The following PBX3 variants were observed in gnomAD, a reference collection of about 807,000 sequenced individuals.
PBX3 encodes pre-B-cell leukemia transcription factor 3.
PBX3 carries 14 observed loss-of-function variants against 48.5 expected under a neutral mutation model. The observed-to-expected ratio is 0.29, with a 90% confidence interval of 0.19 to 0.45. PBX3 has a LOEUF of 0.45. PBX3 is among the 20% of genes least tolerant of loss of function. The probability of loss-of-function intolerance (pLI) is 1.00; values close to 1 mark genes in which losing one functional copy is unlikely to be tolerated. For synonymous variants in PBX3, 210 were observed against 200.3 expected (o/e 1.05, Z -0.41); for missense variants, 386 against 546.7 (o/e 0.71, Z 2.93).
At chr9:125,942,734 C>T (rs1007867643) in intron 5 of PBX3, among the ~76,000 whole-genome samples, 3 of 152,152 alleles carry the variant, frequency 2.0e-5, no homozygotes, top group African/African-American at 7.2e-5. Context: ...TAAAAGAAGG[C>T]TACAGACCCT....
chr9:125,801,245 C>G (rs1227481837), intron 2 of PBX3, among the ~76,000 whole-genome samples: 2 of 152,152 alleles, frequency 1.3e-5, no homozygotes, highest in Non-Finnish European at 2.9e-5. Context: ...AAGTACTTCT[C>G]TGTTTTCATC....
chr9:125,926,011 G>C (rs1038784795), intron 3 of PBX3, among the ~76,000 whole-genome samples: 2 of 152,180 alleles, frequency 1.3e-5, no homozygotes, highest in African/African-American at 4.8e-5. Flanking sequence ...GGAACTAGCT[G>C]TAGAACTATA....
At chr9:125,867,292 T>C (rs1840005353) in intron 2 of PBX3, among the ~76,000 whole-genome samples, 1 of 152,088 alleles carries the variant, frequency 6.6e-6, no homozygotes, top group Admixed American at 6.5e-5. Flanking sequence ...TTTTAGATGT[T>C]TGAATTTTTA....
At chr9:125,920,138 C>G (rs1841425985) in intron 3 of PBX3, among the ~76,000 whole-genome samples, 1 of 152,176 alleles carries the variant, frequency 6.6e-6, no homozygotes, top group Non-Finnish European at 1.5e-5. Flanking sequence ...CTTGTTGATT[C>G]TGACACCCAG....
At chr9:125,855,123 C>A (rs1245413103) in intron 2 of PBX3, among the ~76,000 whole-genome samples, 1 of 152,198 alleles carries the variant, frequency 6.6e-6, no homozygotes, top group Admixed American at 6.5e-5. Context: ...TGATTCACTT[C>A]AGCCATACTG....
intron 4 of PBX3, among the ~76,000 whole-genome samples, chr9:125,934,419 T>G (rs987940175): frequency 6.6e-6 from 1 of 152,222 alleles, no homozygotes; most frequent in African/African-American, 2.4e-5. Context: ...GAAGGTATTT[T>G]CTAATTACTG....
intron 2 of PBX3, among the ~76,000 whole-genome samples, chr9:125,875,668 G>A (rs1212490704): frequency 2.6e-5 from 4 of 151,938 alleles, no homozygotes; most frequent in Admixed American, 6.6e-5. Context: ...CCGCCACCTC[G>A]CTTTTCTAAT....
chr9:125,826,752 C>T (rs1201211574), intron 2 of PBX3, among the ~76,000 whole-genome samples: 2 of 152,084 alleles, frequency 1.3e-5, no homozygotes, highest in Non-Finnish European at 2.9e-5. Flanking sequence ...TTAATTGACA[C>T]ATAATATTTT....
intron 2 of PBX3, among the ~76,000 whole-genome samples, chr9:125,880,620 G>A (rs1333642228): frequency 1.3e-5 from 2 of 152,080 alleles, no homozygotes; most frequent in African/African-American, 4.8e-5. Flanking sequence ...ATTAATTTCA[G>A]TCTTAACTGA....
intron 2 of PBX3, among the ~76,000 whole-genome samples, chr9:125,890,916 TGA>T (rs1840626490): frequency 6.6e-6 from 1 of 152,214 alleles, no homozygotes; most frequent in African/African-American, 2.4e-5. Context: ...CAGCATTTAA[TGA>T]GTAAATCCTG....
chr9:125,818,620 A>G (rs934198667), intron 2 of PBX3, among the ~76,000 whole-genome samples: 2 of 152,128 alleles, frequency 1.3e-5, no homozygotes, highest in East Asian at 1.9e-4. Context: ...AAGTGCTGGG[A>G]TTACAGGCAT....
At chr9:125,816,325 T>C (rs1838461582) in intron 2 of PBX3, among the ~76,000 whole-genome samples, 1 of 152,142 alleles carries the variant, frequency 6.6e-6, no homozygotes, top group Non-Finnish European at 1.5e-5. Flanking sequence ...GTATACCCTT[T>C]ACAGTCCTAT....
chr9:125,779,729 C>A (rs201001995), intron 2 of PBX3, among the ~76,000 whole-genome samples: 1 of 145,150 alleles, frequency 6.9e-6, no homozygotes, highest in Non-Finnish European at 1.5e-5. Context: ...TTCTATTCCA[C>A]AAAACCGCCA....
intron 2 of PBX3, among the ~76,000 whole-genome samples, chr9:125,880,225 A>G (rs1840350226): frequency 6.6e-6 from 1 of 152,158 alleles, no homozygotes; most frequent in Non-Finnish European, 1.5e-5. Flanking sequence ...TTGTATTTTC[A>G]GTAGAGACAG....
chr9:125,807,072 C>T (rs995708887), intron 2 of PBX3, among the ~76,000 whole-genome samples: 2 of 152,202 alleles, frequency 1.3e-5, no homozygotes, highest in African/African-American at 4.8e-5. Flanking sequence ...CCTGTAATCC[C>T]AGTACTTTGG....
intron 2 of PBX3, among the ~76,000 whole-genome samples, chr9:125,884,107 A>AG (rs1840444199): frequency 6.6e-6 from 1 of 152,196 alleles, no homozygotes; most frequent in Non-Finnish European, 1.5e-5. Flanking sequence ...CTGCAGCTGG[A>AG]GAAGACCATG....
At position 125,962,233 on chromosome 9, in the gene PBX3, TG is replaced by T. The variant is rs1481637948; in HGVS notation, c.1122+23del. On this transcript the variant is annotated intron_variant, in intron 7 of 8. Coordinates refer to ENST00000373489, the MANE Select transcript of PBX3 (RefSeq NM_006195.6). ...ATCACAGGTAGGAGAAATGCCCCAGTGGGGCCTTTCTAGCAGGGTAGGGTTT... is the reference window on the plus strand; with the variant it reads ...ATCACAGGTAGGAGAAATGCCCCAGTGGGCCTTTCTAGCAGGGTAGGGTTT... 7.1e-7 allele frequency: 1 copy of T among 1,405,262 alleles called. No homozygotes were observed. The highest frequency in any genetic ancestry group is 1.9e-4 in the Middle Eastern group (1 of 5,290). The allele number at this position is 1,405,262 out of a possible 1,614,324, so 87.0% of individuals were successfully genotyped here.
chr9:125,892,632 C>T (rs745518902), intron 2 of PBX3, among the ~76,000 whole-genome samples: 4 of 152,120 alleles, frequency 2.6e-5, no homozygotes, highest in Non-Finnish European at 5.9e-5. Context: ...TGTATTCTTT[C>T]CTTTTGGTAT....
Position 125,747,570 on chromosome 9 carries a change from C to T in PBX3, c.117C>T (p.Gly39=). 6.2e-7 allele frequency: 1 copy of T among 1,606,328 alleles called. No individual in the cohort carries two copies. The change falls in exon 1 of 9, where the codon GGC becomes GGT. Residue 39 remains glycine, a synonymous_variant. Coordinates refer to ENST00000373489, the MANE Select transcript of PBX3 (RefSeq NM_006195.6). ...PPPHGHEGAD[G]DGRKQDIGDI... is the part of the protein sequence containing the mutation. ...CGCACGGCCACGAAGGGGCGGACGG[C>T]GACGGCAGGAAGCAGGACATCGGCG...
Sources: allele counts gnomAD v4.1 joint callset (sites outside exome capture counted in the v4.1 genomes callset), GRCh38; gene constraint gnomAD v4.1.1; transcripts MANE v1.5; gene names NCBI Gene and HGNC (gene_info 2026-07-23, HGNC 2026-07-21).